TMEM8B: variants seen among roughly 807,000 people sequenced by gnomAD.
TMEM8B encodes the protein transmembrane protein 8B, also known as nasopharyngeal carcinoma expressed 6.
TMEM8B carries 29 observed loss-of-function variants against 49.3 expected under a neutral mutation model. That is an observed-to-expected ratio of 0.59 (90% confidence interval 0.44 to 0.80). The LOEUF (loss-of-function observed/expected upper bound fraction) is 0.80. Ranked by LOEUF, TMEM8B falls within the 30% of genes least tolerant of loss-of-function variation. TMEM8B has a pLI of 0.00. For missense variants in TMEM8B, 575 were observed against 658.5 expected (o/e 0.87, Z 1.39); for synonymous variants, 264 against 272.8 (o/e 0.97, Z 0.32).
In TMEM8B at chr9:35,864,011, T is replaced by G. The variant is rs1436612281; in HGVS notation, c.*10171T>G. On this transcript the variant is annotated 3_prime_UTR_variant, in exon 13 of 13. Coordinates refer to ENST00000643932, the MANE Select transcript of TMEM8B (RefSeq NM_001042590.4). Reference sequence around the variant, plus strand: ...TGGAGTGTCTCTGAAAATAGCTGCCTGGTTTCACTCCCCGGTTTTACGCCT... The same window carrying G: ...TGGAGTGTCTCTGAAAATAGCTGCCGGGTTTCACTCCCCGGTTTTACGCCT... 6.6e-6 allele frequency: 1 copy of G among 152,248 alleles called. No homozygotes were observed. Among genetic ancestry groups the G allele is most frequent in the Non-Finnish European group, 1.5e-5 (1 of 68,070 alleles). The allele number at this position is 152,248 out of a possible 1,614,324, so 9.4% of individuals were successfully genotyped here.
intron 10 of TMEM8B, chr9:35,847,254 C>G: frequency 9.4e-7 from 1 of 1,058,368 alleles, no homozygotes; most frequent in Non-Finnish European, 1.4e-6. Context: ...ACACTCTGTC[C>G]ACCCTGAGGG....
intron 1 of TMEM8B, 23 bp downstream of exon 1, chr9:35,829,978 T>C (rs1011760459): frequency 4.8e-6 from 2 of 415,498 alleles, no homozygotes; most frequent in Non-Finnish European, 8.8e-6. Context: ...GCAGGGAAGA[T>C]TGAGGCAGGA....
At chr9:35,850,013 G>A (rs1431199204) in intron 10 of TMEM8B, among the ~76,000 whole-genome samples, 1 of 152,136 alleles carries the variant, frequency 6.6e-6, no homozygotes, top group South Asian at 2.1e-4. Flanking sequence ...TTCTCATTAC[G>A]CCTTATATCC....
chr9:35,846,440 GC>G, intron 8 of TMEM8B, 28 bp from the exon 9 acceptor site: 1 of 1,597,012 alleles, frequency 6.3e-7, no homozygotes, highest in Non-Finnish European at 8.5e-7. Context: ...GTGGCCCGGG[GC>G]CCCAGGTGAC....
At chr9:35,846,643 T>C in intron 9 of TMEM8B, 32 bp downstream of exon 9, 1 of 1,571,466 alleles carries the variant, frequency 6.4e-7, no homozygotes, top group Non-Finnish European at 8.6e-7. Context: ...CGGGCTGCGG[T>C]GGACTGGAGG....
chr9:35,846,639 G>T, intron 9 of TMEM8B, 28 bp downstream of exon 9: 1 of 1,571,366 alleles, frequency 6.4e-7, no homozygotes, highest in Non-Finnish European at 8.6e-7. Flanking sequence ...GGAGCGGGCT[G>T]CGGTGGACTG....
Position 35,842,849 on chromosome 9 carries a change from C to T in TMEM8B, c.1635+132C>T. 1 of 930,498 alleles carries T rather than the reference C, an allele frequency of 1.1e-6. No individual in the cohort carries two copies. The highest frequency in any genetic ancestry group is 1.6e-6 in the Non-Finnish European group (1 of 639,258). The allele number at this position is 930,498 out of a possible 1,614,324, so 57.6% of individuals were successfully genotyped here. On this transcript the variant is annotated intron_variant, in intron 6 of 12. Transcript: ENST00000643932. This position sits in a 1 kb window ranked among gnomAD's most constrained non-coding sequence, Gnocchi z 5.6. ...TCCCACCCATCCTGACAATTAGGGACCATGGCTCAGCCCAATTCTGGTCAA... is the reference window on the plus strand; with the variant it reads ...TCCCACCCATCCTGACAATTAGGGATCATGGCTCAGCCCAATTCTGGTCAA...
At chr9:35,837,278 T>C (rs183874526) in intron 3 of TMEM8B, among the ~76,000 whole-genome samples, 57 of 152,144 alleles carry the variant, frequency 3.7e-4, no homozygotes, top group Non-Finnish European at 7.4e-4. Context: ...AGGCCTTGGG[T>C]TGTGTGCTGG....
chr9:35,841,036 G>T lies in TMEM8B; in HGVS notation c.907-98G>T. On this transcript the variant is annotated intron_variant, in intron 3 of 12. Coordinates refer to ENST00000643932, the MANE Select transcript of TMEM8B (RefSeq NM_001042590.4). This position sits in a 1 kb window ranked among gnomAD's most constrained non-coding sequence, Gnocchi z 5.9. ...AGGCCTGGGAGTGGTGGCCGGGGCG[G>T]GGGTTTCTCCCCAGCCCGCCCAGCA... is the stretch of plus-strand genomic sequence containing the variant. 1 of 412,028 alleles carries T rather than the reference G, an allele frequency of 2.4e-6. No homozygotes were observed. Among genetic ancestry groups the T allele is most frequent in the Non-Finnish European group, 4.4e-6 (1 of 226,022 alleles). The allele number at this position is 412,028 out of a possible 1,614,324, so 25.5% of individuals were successfully genotyped here.
intron 6 of TMEM8B, chr9:35,845,470 G>C: frequency 1.0e-6 from 1 of 985,392 alleles, no homozygotes; most frequent in Non-Finnish European, 1.2e-6. Context: ...ATCCCAGCCA[G>C]GTTGCTACAT....
intron 3 of TMEM8B, among the ~76,000 whole-genome samples, chr9:35,838,149 C>G (rs766796908): frequency 6.6e-6 from 1 of 152,120 alleles, no homozygotes; most frequent in Non-Finnish European, 1.5e-5. Flanking sequence ...TTTCCTCCTC[C>G]TACATTAGTT....
chr9:35,853,046 G>A lies in TMEM8B; in HGVS notation c.2322+73G>A. 1 of 1,610,524 alleles carries A rather than the reference G, an allele frequency of 6.2e-7. No individual in the cohort carries two copies. Among genetic ancestry groups the A allele is most frequent in the East Asian group, 2.2e-5 (1 of 44,820 alleles). ...GAAATCCACTCCTGACCTCTCCCTG[G>A]GGGCATTTCCAAGTGCCTCTCATGA... On this transcript the variant is annotated intron_variant, in intron 11 of 12. Coordinates refer to ENST00000643932, the MANE Select transcript of TMEM8B (RefSeq NM_001042590.4). The surrounding 1 kb of genome is among the most constrained non-coding windows in gnomAD (Gnocchi z 4.2).
rs1333826941 is a variant in TMEM8B, at chr9:35,854,115, G to T, written c.*275G>T. 1.1e-5 allele frequency: 11 copies of T among 984,830 alleles called. No homozygotes were observed. Among genetic ancestry groups the T allele is most frequent in the Non-Finnish European group, 1.4e-5 (11 of 771,220 alleles). The allele number at this position is 984,830 out of a possible 1,614,324, so 61.0% of individuals were successfully genotyped here. On this transcript the variant is annotated 3_prime_UTR_variant, in exon 13 of 13. Coordinates refer to ENST00000643932, the MANE Select transcript of TMEM8B (RefSeq NM_001042590.4). ...GGACCAAGGAGTCCCTCCTGCAGGT[G>T]TGGAGCCTTTCCTGGGATGCAGAGC... is the stretch of plus-strand genomic sequence containing the variant.
chr9:35,846,724 G>A, intron 9 of TMEM8B, 93 bp from the exon 10 acceptor site: 1 of 1,543,782 alleles, frequency 6.5e-7, no homozygotes, highest in Non-Finnish European at 8.7e-7. Context: ...GACGGGTTTG[G>A]CAGAGCCGGG....
Position 35,853,426 on chromosome 9 carries a change from A to G in TMEM8B, c.2440-79A>G. 1 of 1,539,762 alleles carries G rather than the reference A, an allele frequency of 6.5e-7. No individual in the cohort carries two copies. Among genetic ancestry groups the G allele is most frequent in the Non-Finnish European group, 8.7e-7 (1 of 1,143,798 alleles). On this transcript the variant is annotated intron_variant, in intron 12 of 12. Coordinates refer to ENST00000643932, the MANE Select transcript of TMEM8B (RefSeq NM_001042590.4). The surrounding 1 kb of genome is among the most constrained non-coding windows in gnomAD (Gnocchi z 4.2). ...TCTTTAGGTCACAACCAGGATACAG[A>G]GGAAACCTGAGAGTGACCAGCTCTG...
Position 35,841,511 on chromosome 9 carries a change from C to T in TMEM8B, c.1041-15C>T, listed in dbSNP as rs1348642830. ...CTGTTTGTGCCTTCTTACCCCCAAC[C>T]TCTCCTCTGCCCAGGGTCTTTGTGC... On this transcript the variant is annotated splice_polypyrimidine_tract_variant and intron_variant, in intron 4 of 12. Coordinates refer to ENST00000643932, the MANE Select transcript of TMEM8B (RefSeq NM_001042590.4). The surrounding 1 kb of genome is among the most constrained non-coding windows in gnomAD (Gnocchi z 5.9). 9.6e-6 allele frequency: 4 copies of T among 417,094 alleles called. No individual in the cohort carries two copies. Among genetic ancestry groups the T allele is most frequent in the Non-Finnish European group, 1.3e-5 (3 of 227,490 alleles). The allele number at this position is 417,094 out of a possible 1,614,324, so 25.8% of individuals were successfully genotyped here.
Position 35,853,040 on chromosome 9 carries a change from T to A in TMEM8B, c.2322+67T>A, listed in dbSNP as rs1179707101. 1.2e-6 allele frequency: 2 copies of A among 1,610,960 alleles called. No homozygotes were observed. Among genetic ancestry groups the A allele is most frequent in the Admixed American group, 1.7e-5 (1 of 59,826 alleles). ...CTCCTTGAAATCCACTCCTGACCTC[T>A]CCCTGGGGGCATTTCCAAGTGCCTC... On this transcript the variant is annotated intron_variant, in intron 11 of 12. Coordinates refer to ENST00000643932, the MANE Select transcript of TMEM8B (RefSeq NM_001042590.4). This position sits in a 1 kb window ranked among gnomAD's most constrained non-coding sequence, Gnocchi z 4.2.
chr9:35,842,274 T>G lies in TMEM8B; in HGVS notation c.1310-118T>G. 1 of 753,586 alleles carries G rather than the reference T, an allele frequency of 1.3e-6. No individual in the cohort carries two copies. Among genetic ancestry groups the G allele is most frequent in the Non-Finnish European group, 2.0e-6 (1 of 491,910 alleles). The allele number at this position is 753,586 out of a possible 1,614,324, so 46.7% of individuals were successfully genotyped here. On this transcript the variant is annotated intron_variant, in intron 5 of 12. Coordinates refer to ENST00000643932, the MANE Select transcript of TMEM8B (RefSeq NM_001042590.4). The surrounding 1 kb of genome is among the most constrained non-coding windows in gnomAD (Gnocchi z 5.6). ...CCCCACACTCCCAAGGGACATCGCA[T>G]TCTAGTTCTCATCCTTCCCCACTCT...
Position 35,853,092 on chromosome 9 carries a change from T to C in TMEM8B, c.2323-49T>C. ...CATGATTCTGACCCAGGCCCTGGAGTGCTGTCTGTCACCTGGCCCTAGCCC... is the reference window on the plus strand; with the variant it reads ...CATGATTCTGACCCAGGCCCTGGAGCGCTGTCTGTCACCTGGCCCTAGCCC... On this transcript the variant is annotated intron_variant, in intron 11 of 12. Transcript: ENST00000643932. This position sits in a 1 kb window ranked among gnomAD's most constrained non-coding sequence, Gnocchi z 4.2. 6.2e-7 allele frequency: 1 copy of C among 1,607,714 alleles called. No individual in the cohort carries two copies. The highest frequency in any genetic ancestry group is 8.5e-7 in the Non-Finnish European group (1 of 1,174,464).
Sources: gnomAD v4.1 joint callset for allele counts (sites outside exome capture counted in the v4.1 genomes callset) on GRCh38, gnomAD v4.1.1 for gene constraint, Gnocchi (gnomAD v3.1) non-coding constraint, MANE v1.5 for transcripts, NCBI Gene and HGNC (gene_info 2026-07-23, HGNC 2026-07-21) for gene names.